Variants in BIRC6 observed in about 807,000 individuals in gnomAD.
The protein encoded by BIRC6 is baculoviral IAP repeat containing 6.
A neutral mutation model predicts 503.3 loss-of-function variants in BIRC6; 98 were observed. The observed-to-expected ratio is 0.19, with a 90% CI of 0.17 to 0.23. The LOEUF is 0.23. Ranked by LOEUF, BIRC6 falls within the 10% of genes least tolerant of loss-of-function variation. The pLI, the probability that BIRC6 is intolerant of heterozygous loss-of-function variation, is 1.00. For synonymous variants in BIRC6, 2,240 were observed against 2,078.7 expected, an observed-to-expected ratio of 1.08 and a Z score of -2.11; for missense variants, 5,360 against 5,806.0, an observed-to-expected ratio of 0.92 and a Z score of 2.50.
Position 32,512,918 on chromosome 2 carries a change from T to G in BIRC6, c.10347-15T>G, listed in dbSNP as rs1558937400. ...CTATATAGTTGGTTATATGAATTCG[T>G]TTTCTTCGTTTAAGAATTCAGGCCT... On this transcript the variant is annotated splice_polypyrimidine_tract_variant and intron_variant, in intron 53 of 73. Transcript: ENST00000421745. 6.2e-7 allele frequency: 1 copy of G among 1,612,470 alleles called. No individual in the cohort carries two copies. Among genetic ancestry groups the G allele is most frequent in the Admixed American group, 1.7e-5 (1 of 60,002 alleles).
At chr2:32,496,204 A>G (rs998429613) in intron 45 of BIRC6, among the ~76,000 whole-genome samples, 23 of 151,554 alleles carry the variant, frequency 1.5e-4, no homozygotes, top group African/African-American at 4.8e-4. Context: ...ATATCAATCA[A>G]TGATACTTGT....
intron 10 of BIRC6, among the ~76,000 whole-genome samples, chr2:32,418,257 T>G (rs1022445703): frequency 6.6e-6 from 1 of 152,248 alleles, no homozygotes; most frequent in Admixed American, 6.5e-5. Context: ...GTATCAGAGA[T>G]AATTTGAATT....
At chr2:32,578,289 C>A (rs906291678) in intron 66 of BIRC6, among the ~76,000 whole-genome samples, 4 of 152,010 alleles carry the variant, frequency 2.6e-5, no homozygotes, top group Non-Finnish European at 5.9e-5. Context: ...TTTTCCCTTA[C>A]AGTGTATACC....
chr2:32,464,236 T>C (rs1258614474), intron 24 of BIRC6, among the ~76,000 whole-genome samples: 1 of 152,198 alleles, frequency 6.6e-6, no homozygotes, highest in Non-Finnish European at 1.5e-5. Flanking sequence ...TGAGCAGATA[T>C]TCCTTATTTA....
intron 1 of BIRC6, among the ~76,000 whole-genome samples, chr2:32,366,903 G>A (rs1330504853): frequency 6.6e-6 from 1 of 151,740 alleles, no homozygotes. Flanking sequence ...TATCACTTGA[G>A]TCCAGCACTT....
In BIRC6 at chr2:32,485,892, C is replaced by G; in HGVS notation, c.7813+133C>G. ...GAGGGGACTTAGTATGTAGCACTTT[C>G]CTGGCTCCGAGTTAGTAGCAAGTTG... is the stretch of plus-strand genomic sequence containing the variant. On this transcript the variant is annotated intron_variant, in intron 40 of 73. Coordinates refer to ENST00000421745, the MANE Select transcript of BIRC6 (RefSeq NM_016252.4). The G allele has an allele frequency of 6.7e-6, 4 of 596,520 alleles. No individual in the cohort carries two copies. The South Asian group carries it at 9.4e-5, about 14-fold the overall frequency. 37.0% of individuals were successfully genotyped at this position (596,520 alleles called of 1,614,324 possible).
At chr2:32,540,147 T>C (rs192078592) in intron 61 of BIRC6, among the ~76,000 whole-genome samples, 7 of 152,190 alleles carry the variant, frequency 4.6e-5, no homozygotes, top group Admixed American at 2.0e-4. Flanking sequence ...TACAGAATTT[T>C]TAGTCTGTTT....
chr2:32,361,844 C>T (rs893850545), intron 1 of BIRC6, among the ~76,000 whole-genome samples: 1 of 152,200 alleles, frequency 6.6e-6, no homozygotes, highest in Non-Finnish European at 1.5e-5. Context: ...TACAGTTCTT[C>T]CTTGTCTTTT....
chr2:32,551,997 CAT>C (rs1284835419), intron 65 of BIRC6, among the ~76,000 whole-genome samples: 1 of 152,146 alleles, frequency 6.6e-6, no homozygotes. Flanking sequence ...GCAGGCCTAA[CAT>C]AATAGCCTTT....
chr2:32,607,012 A>T (rs1181648654), intron 71 of BIRC6, among the ~76,000 whole-genome samples: 5 of 144,846 alleles, frequency 3.5e-5, no homozygotes, highest in Admixed American at 3.4e-4. Flanking sequence ...AGTCTTATTA[A>T]AAAAAAAAAA....
chr2:32,515,488 T>G lies in BIRC6; in HGVS notation c.11067T>G (p.Phe3689Leu), dbSNP rs2054929052. ...ACCTAGTTGCTCCTATTCTTAGGTT[T>G]TTGACAGAAGTTGGCAATAGCCATA... ...TADLVAPILRFLTEVGNSHIM... is the reference protein window; with the variant it reads ...TADLVAPILRLLTEVGNSHIM... Residue 3689 changes from phenylalanine to leucine, a missense_variant, in exon 55 of 74, where the codon TTT (phenylalanine) becomes TTG (leucine). By Grantham distance (22) the Phe-to-Leu change is conservative. Around this residue, in one of 16 missense-constraint regions of BIRC6, gnomAD observed 878 missense variants for 928.9 expected, o/e 0.95. Transcript: ENST00000421745. The G allele has an allele frequency of 1.9e-6, 3 of 1,613,856 alleles. No individual in the cohort carries two copies. The East Asian group carries it at 6.7e-5, about 36-fold the overall frequency.
At chr2:32,615,880 G>A (rs1252693227) in intron 73 of BIRC6, among the ~76,000 whole-genome samples, 2 of 152,024 alleles carry the variant, frequency 1.3e-5, no homozygotes, top group Non-Finnish European at 2.9e-5. Flanking sequence ...TGATCTGCCC[G>A]CCATGGCCTC....
intron 64 of BIRC6, 96 bp downstream of exon 64, chr2:32,548,110 T>C (rs2058175404): frequency 1.8e-6 from 2 of 1,105,028 alleles, no homozygotes; most frequent in African/African-American, 3.2e-5. Flanking sequence ...TCCTCAGCTA[T>C]GTTTATGCCC....
intron 57 of BIRC6, 102 bp downstream of exon 57, chr2:32,519,048 A>G: frequency 2.6e-6 from 3 of 1,141,266 alleles, no homozygotes; most frequent in Non-Finnish European, 3.7e-6. Context: ...CTTTGCAACC[A>G]TTGATGACTA....
intron 60 of BIRC6, among the ~76,000 whole-genome samples, chr2:32,530,970 CTT>C (rs2056698797): frequency 6.6e-6 from 1 of 152,162 alleles, no homozygotes. Context: ...GCTATGAGAA[CTT>C]TGAGAACTTA....
intron 72 of BIRC6, among the ~76,000 whole-genome samples, chr2:32,611,012 A>C (rs2151723586): frequency 6.6e-6 from 1 of 152,220 alleles, no homozygotes; most frequent in South Asian, 2.1e-4. Context: ...GGCGTGAGCC[A>C]CCACACCGGG....
At chr2:32,412,603 CACTG>C (rs1253864498) in intron 9 of BIRC6, among the ~76,000 whole-genome samples, 1 of 151,290 alleles carries the variant, frequency 6.6e-6, no homozygotes, top group Non-Finnish European at 1.5e-5. Flanking sequence ...ATACAGAAGA[CACTG>C]AATGTTTCAC....
intron 61 of BIRC6, 126 bp downstream of exon 61, chr2:32,531,677 C>G: frequency 4.9e-6 from 4 of 812,990 alleles, no homozygotes; most frequent in Non-Finnish European, 7.5e-6. Context: ...ATTTTTTGAA[C>G]ATTATATAAC....
chr2:32,617,492 T>G (rs561077929), intron 73 of BIRC6, among the ~76,000 whole-genome samples: 2 of 152,354 alleles, frequency 1.3e-5, no homozygotes, highest in East Asian at 3.9e-4. Flanking sequence ...TAGGATCTAC[T>G]GGTGGGTTAC....
Sources: allele counts gnomAD v4.1 joint callset (sites outside exome capture counted in the v4.1 genomes callset), GRCh38; gene constraint gnomAD v4.1.1; regional missense constraint gnomAD v4.1.1; transcripts MANE v1.5; gene names NCBI Gene and HGNC (gene_info 2026-07-23, HGNC 2026-07-21).